IGFN1: variants seen among roughly 807,000 people sequenced by gnomAD.
IGFN1 encodes immunoglobulin-like and fibronectin type III domain-containing protein 1.
In IGFN1, 253 loss-of-function variants were observed where a neutral mutation model predicts 289.5. That is an observed-to-expected ratio of 0.87 (90% confidence interval 0.79 to 0.97). IGFN1 has a LOEUF of 0.97. Ranked by LOEUF, IGFN1 falls within the 50% of genes least tolerant of loss-of-function variation. The pLI is 0.00. For missense variants in IGFN1, 4,470 were observed against 4,686.1 expected (o/e 0.95, Z 1.35); for synonymous variants, 1,706 against 1,788.5 (o/e 0.95, Z 1.16).
In IGFN1 at chr1:201,224,868, G is replaced by T. The variant is rs1653977884; in HGVS notation, c.10480G>T (p.Val3494Leu). 3.7e-6 allele frequency: 6 copies of T among 1,612,564 alleles called. No individual in the cohort carries two copies. The East Asian group carries it at 1.3e-4, about 36-fold the overall frequency. ...GGTTGCCCACAGCTTCCGTATCAGG[G>T]TGGCAGGTGAGGCAGGCCTTGCTCT... ...KEVAHSFRIR[V>L]AACPQAPGPI... Residue 3494 changes from valine (V) to leucine (L), a missense_variant, in exon 21 of 24, where the codon GTG (valine) becomes TTG (leucine). Around this residue, in one of 8 missense-constraint regions of IGFN1, gnomAD observed 2,218 missense variants for 2,114.1 expected, o/e 1.05. Transcript: ENST00000335211.
chr1:201,216,896 CT>C, intron 16 of IGFN1, 143 bp downstream of exon 16: 1 of 655,916 alleles, frequency 1.5e-6, no homozygotes, highest in Non-Finnish European at 2.6e-6. Flanking sequence ...CTGGAGACTC[CT>C]TCCCTCAGCT....
At chr1:201,219,736 G>A (rs1653590518) in intron 18 of IGFN1, among the ~76,000 whole-genome samples, 1 of 152,194 alleles carries the variant, frequency 6.6e-6, no homozygotes, top group Admixed American at 6.5e-5. Context: ...TGTTCAGGCT[G>A]TTTGAATGAA....
chr1:201,199,296 C>T (rs1667048610), intron 5 of IGFN1, 38 bp from the exon 6 acceptor site: 1 of 1,540,488 alleles, frequency 6.5e-7, no homozygotes, highest in Non-Finnish European at 8.8e-7. Context: ...CCCTGCTTGT[C>T]CACATCGACT....
rs996769578 is a variant in IGFN1 at position 201,216,305 on chromosome 1, T to G, written c.9296-149T>G. 5 of 639,438 alleles carry G rather than the reference T, an allele frequency of 7.8e-6. 1 individual carries two copies. Among genetic ancestry groups the G allele is most frequent in the Non-Finnish European group, 1.3e-5 (5 of 382,008 alleles). The allele number at this position is 639,438 out of a possible 1,614,324, so 39.6% of individuals were successfully genotyped here. A position where few individuals can be genotyped will look rare whatever the true frequency, so the allele number is the denominator to read the frequency against. On this transcript the variant is annotated intron_variant, in intron 15 of 23. Coordinates refer to ENST00000335211, the MANE Select transcript of IGFN1 (RefSeq NM_001164586.2). Reference sequence around the variant, plus strand: ...CCTCTGGGTAATGCCCAAGGCTCTCTGGACAGTCTGCCCCATTGCAGGCTT... The same window carrying G: ...CCTCTGGGTAATGCCCAAGGCTCTCGGGACAGTCTGCCCCATTGCAGGCTT...
chr1:201,192,370 G>A (rs190280459), intron 1 of IGFN1, among the ~76,000 whole-genome samples: 1 of 152,338 alleles, frequency 6.6e-6, no homozygotes, highest in Admixed American at 6.5e-5. Flanking sequence ...GGGACTGCTG[G>A]AAGATTCTTT....
chr1:201,193,195 TG>T, intron 1 of IGFN1, 51 bp from the exon 2 acceptor site: 2 of 839,774 alleles, frequency 2.4e-6, no homozygotes, highest in Non-Finnish European at 4.0e-6. Context: ...GTGGGAGGGG[TG>T]GGGTGAGACC....
chr1:201,210,919 G>T lies in IGFN1; in HGVS notation c.6026G>T (p.Gly2009Val), dbSNP rs1174033979. ...RKDLGAPEGIGSGSKAGFRDG... is the reference protein window; with the variant it reads ...RKDLGAPEGIVSGSKAGFRDG... ...GATTTGGGGGCTCCTGAGGGAATAG[G>T]TTCAGGGAGTAAGGCAGGTTTCAGG... The change falls in exon 12 of 24, where the codon GGT (glycine) becomes GTT (valine). Residue 2009 changes from glycine (G) to valine (V), a missense_variant. Gly to Val is a moderately radical substitution (Grantham distance 109). Around this residue, in one of 8 missense-constraint regions of IGFN1, gnomAD observed 108 missense variants for 128.7 expected, o/e 0.84. Transcript: ENST00000335211. The T allele has an allele frequency of 9.3e-6, 9 of 968,926 alleles. No individual in the cohort carries two copies. The highest frequency in any genetic ancestry group is 5.5e-5 in the Admixed American group (2 of 36,654). The allele number at this position is 968,926 out of a possible 1,614,324, so 60.0% of individuals were successfully genotyped here.
At position 201,224,043 on chromosome 1, in the gene IGFN1, G is replaced by A. The variant is rs768006159; in HGVS notation, c.10291-636G>A. Among the ~76,000 whole-genome samples the A allele has an allele frequency of 2.4e-4, 37 of 152,266 alleles. 1 individual carries two copies. Among genetic ancestry groups the A allele is most frequent in the Non-Finnish European group, 4.3e-4 (29 of 68,026 alleles). ...TTAAATTCTCAGAACAATCCTGTGA[G>A]GTCAGTTAGTGACTATCAGCATCTT... On this transcript the variant is annotated intron_variant, in intron 20 of 23. Transcript: ENST00000335211.
rs1450932132 is a variant in IGFN1 at position 201,208,227 on chromosome 1, T to C, written c.3334T>C (p.Ser1112Pro). The C allele has an allele frequency of 9.1e-6, 14 of 1,536,458 alleles. No individual in the cohort carries two copies. The change falls in exon 12 of 24, where the codon TCT (serine) becomes CCT (proline). Residue 1112 changes from serine to proline, a missense_variant. Ser to Pro is a moderately conservative substitution (Grantham distance 74). Transcript: ENST00000335211. ...ATGTGTGGAAGCAGAACCAGAGAGC[T>C]CTGGAAGAATAAGGCCTTGGGGTCA... ...MGCVEAEPES[S>P]GRIRPWGQTG... is the part of the protein sequence containing the mutation.
chr1:201,208,077 C>G lies in IGFN1; in HGVS notation c.3184C>G (p.Gln1062Glu). 6.5e-7 allele frequency: 1 copy of G among 1,537,026 alleles called. No homozygotes were observed. Among genetic ancestry groups the G allele is most frequent in the Non-Finnish European group, 8.7e-7 (1 of 1,146,878 alleles). ...NDTRNWASAC[Q>E]AGMDPRGGHH... ...CACCAGGAATTGGGCCTCTGCATGC[C>G]AGGCAGGCATGGACCCTAGGGGAGG... The change falls in exon 12 of 24, where the codon CAG becomes GAG. Residue 1062 changes from glutamine to glutamate, a missense_variant. By Grantham distance (29) the Gln-to-Glu change is conservative. This residue lies in a region of IGFN1 where 2,011 missense variants were observed against 1,953.4 expected (regional missense o/e 1.03). Transcript: ENST00000335211.
chr1:201,217,144 C>T (rs949143378), intron 16 of IGFN1, 143 bp from the exon 17 acceptor site: 55 of 692,204 alleles, frequency 7.9e-5, no homozygotes, highest in Non-Finnish European at 1.2e-4. Context: ...TGACCTAGGG[C>T]GGGCTGCCTC....
rs911941074 is a variant in IGFN1, at chr1:201,223,444, T to C, written c.10290+617T>C. The stretch of plus-strand genomic sequence containing the variant: ...GGAGTGCAGTGGCACGATCTCGGCT[T>C]ACTGCAACCTCCACCTCCCGGGTTC... On this transcript the variant is annotated intron_variant, in intron 20 of 23. Coordinates refer to ENST00000335211, the MANE Select transcript of IGFN1 (RefSeq NM_001164586.2). Among the ~76,000 whole-genome samples the C allele has an allele frequency of 5.3e-5, 8 of 152,034 alleles. No individual in the cohort carries two copies. The East Asian group carries it at 9.6e-4, about 18-fold the overall frequency.
Position 201,205,302 on chromosome 1 carries a change from C to T in IGFN1, c.1137C>T (p.Pro379=), listed in dbSNP as rs931939801. 3 of 1,481,416 alleles carry T rather than the reference C, an allele frequency of 2.0e-6. No homozygotes were observed. The highest frequency in any genetic ancestry group is 4.4e-5 in the Admixed American group (2 of 45,390). 91.8% of individuals were successfully genotyped at this position (1,481,416 alleles called of 1,614,324 possible). The change falls in exon 11 of 24, where the codon CCC becomes CCT. Residue 379 remains proline, a synonymous_variant. Transcript: ENST00000335211. ...GGGCACGTTTCTCAGACATGGGCCCCTATTCGCTGGGCACCGGGCTCTACA... is the reference window on the plus strand; with the variant it reads ...GGGCACGTTTCTCAGACATGGGCCCTTATTCGCTGGGCACCGGGCTCTACA... ...VRGARFSDMG[P]YSLGTGLYTS...
intron 2 of IGFN1, 94 bp from the exon 3 acceptor site, chr1:201,194,060 C>T (rs555681622): frequency 6.2e-6 from 9 of 1,444,690 alleles, no homozygotes; most frequent in African/African-American, 5.7e-5. Context: ...GCTTCTTGCT[C>T]CTGGGGTGAG....
chr1:201,225,438 A>G (rs1211181144), intron 21 of IGFN1, among the ~76,000 whole-genome samples: 1 of 152,178 alleles, frequency 6.6e-6, no homozygotes, highest in East Asian at 1.9e-4. Flanking sequence ...CGAAAAATAC[A>G]AAAAATTAGC....
In IGFN1 at chr1:201,221,747, G is replaced by T; in HGVS notation, c.10201+1G>T. Reference sequence around the variant, plus strand: ...TTAGTGCAAGCCATGCCTGTTACTGGTGAGTGCTGCCTCCTTCCCCGACCC... The same window carrying T: ...TTAGTGCAAGCCATGCCTGTTACTGTTGAGTGCTGCCTCCTTCCCCGACCC... On this transcript the variant is annotated splice_donor_variant, in intron 19 of 23. Transcript: ENST00000335211. LOFTEE classifies it high-confidence loss of function. The T allele has an allele frequency of 6.3e-7, 1 of 1,578,534 alleles. No individual in the cohort carries two copies. The highest frequency in any genetic ancestry group is 8.6e-7 in the Non-Finnish European group (1 of 1,159,350).
Position 201,221,655 on chromosome 1 carries a change from G to T in IGFN1, c.10110G>T (p.Glu3370Asp). Reference protein sequence around the residue: ...TYTAKGLRPGEGYFVRVTAVN... With the variant: ...TYTAKGLRPGDGYFVRVTAVN... Reference sequence around the variant, plus strand: ...CGGCCAAGGGGCTTCGGCCTGGAGAGGGCTACTTCGTGCGGGTGACAGCAG... The same window carrying T: ...CGGCCAAGGGGCTTCGGCCTGGAGATGGCTACTTCGTGCGGGTGACAGCAG... The change falls in exon 19 of 24, where the codon GAG (glutamate) becomes GAT (aspartate). Residue 3370 changes from glutamate to aspartate, a missense_variant. Glu to Asp is a conservative substitution (Grantham distance 45, BLOSUM62 2). Coordinates refer to ENST00000335211, the MANE Select transcript of IGFN1 (RefSeq NM_001164586.2). 1 of 1,614,220 alleles carries T rather than the reference G, an allele frequency of 6.2e-7. No individual in the cohort carries two copies. Among genetic ancestry groups the T allele is most frequent in the Non-Finnish European group, 8.5e-7 (1 of 1,180,030 alleles).
At chr1:201,201,401 CG>C (rs995755387) in intron 8 of IGFN1, among the ~76,000 whole-genome samples, 4 of 152,176 alleles carry the variant, frequency 2.6e-5, no homozygotes, top group African/African-American at 9.7e-5. Flanking sequence ...GGCTTTAACA[CG>C]GGACCTAGCA....
intron 9 of IGFN1, among the ~76,000 whole-genome samples, chr1:201,203,329 G>T (rs1361193604): frequency 6.6e-6 from 1 of 152,164 alleles, no homozygotes; most frequent in Non-Finnish European, 1.5e-5. Context: ...GATATCTGAT[G>T]TTATTCTCTG....
Sources: gnomAD v4.1 joint callset for allele counts (sites outside exome capture counted in the v4.1 genomes callset) on GRCh38, gnomAD v4.1.1 for gene constraint, gnomAD v4.1.1 regional missense constraint, MANE v1.5 for transcripts, NCBI Gene and HGNC (gene_info 2026-07-23, HGNC 2026-07-21) for gene names.